The following GRID2 variants were observed in gnomAD, a reference collection of about 807,000 sequenced individuals.
The protein encoded by GRID2 is glutamate ionotropic receptor delta type subunit 2, also known as glutamate receptor ionotropic, delta-2.
A neutral mutation model predicts 114.8 loss-of-function variants in GRID2; 33 were observed. That is an observed-to-expected ratio of 0.29 (90% CI 0.22 to 0.38). The LOEUF (loss-of-function observed/expected upper bound fraction) is 0.38, where lower values mean the gene tolerates loss of function less well. Ranked by LOEUF, GRID2 falls within the 10% of genes least tolerant of loss-of-function variation. GRID2 has a pLI of 1.00. For synonymous variants in GRID2, 505 were observed against 449.9 expected (o/e 1.12, Z -1.55); for missense variants, 1,184 against 1,257.7 (o/e 0.94, Z 0.89).
intron 2 of GRID2, among the ~76,000 whole-genome samples, chr4:92,722,211 G>C (rs973791690): frequency 6.6e-6 from 1 of 152,126 alleles, no homozygotes; most frequent in Non-Finnish European, 1.5e-5. Flanking sequence ...CTGGATTTGG[G>C]AAGAATGCCA....
chr4:93,737,314 G>C (rs1161510826), intron 14 of GRID2, among the ~76,000 whole-genome samples: 3 of 152,046 alleles, frequency 2.0e-5, no homozygotes, highest in South Asian at 2.1e-4. Context: ...CTTTGAGAGA[G>C]AGAAAGAGGA....
At chr4:92,976,031 A>G (rs1753847569) in intron 2 of GRID2, among the ~76,000 whole-genome samples, 1 of 152,128 alleles carries the variant, frequency 6.6e-6, no homozygotes, top group Non-Finnish European at 1.5e-5. Context: ...ATTAATTAAT[A>G]TACTAGATTA....
intron 4 of GRID2, among the ~76,000 whole-genome samples, chr4:93,128,053 A>AAC (rs1734456099): frequency 6.9e-6 from 1 of 144,854 alleles, no homozygotes; most frequent in Admixed American, 6.9e-5. Context: ...AAAAAAAAAA[A>AAC]AAAAAACAAC....
At chr4:92,492,530 C>T (rs968733122) in intron 1 of GRID2, among the ~76,000 whole-genome samples, 5 of 152,252 alleles carry the variant, frequency 3.3e-5, no homozygotes, top group Middle Eastern at 3.4e-3. Flanking sequence ...TTAGAACATC[C>T]TTTCAGATAT....
At position 92,713,476 on chromosome 4, in the gene GRID2, C is replaced by CACATAT. The variant is rs1167121792; in HGVS notation, c.244+123191_244+123192insCATATA. Among the ~76,000 whole-genome samples, 9 of 54,064 alleles carry CACATAT rather than the reference C, an allele frequency of 1.7e-4. No individual in the cohort carries two copies. In the East Asian group the frequency reaches 4.8e-3, roughly 29 times the overall value. The allele number at this position is 54,064 out of a possible 152,430, so 35.5% of individuals were successfully genotyped here. A position where few individuals can be genotyped will look rare whatever the true frequency, so the allele number is the denominator to read the frequency against. On this transcript the variant is annotated intron_variant, in intron 2 of 15. Transcript: ENST00000282020. ...TTACATATATTTACATATACATATA[C>CACATAT]ATATATATATATATATATATATATA...
chr4:93,295,781 A>G (rs1754238971), intron 8 of GRID2, among the ~76,000 whole-genome samples: 1 of 152,218 alleles, frequency 6.6e-6, no homozygotes, highest in Non-Finnish European at 1.5e-5. Flanking sequence ...TCACAAAAAC[A>G]CTGAGATTGG....
At chr4:92,666,331 T>G (rs1732775199) in intron 2 of GRID2, among the ~76,000 whole-genome samples, 2 of 151,596 alleles carry the variant, frequency 1.3e-5, no homozygotes, top group Non-Finnish European at 3.0e-5. Flanking sequence ...TGTGCCTTCC[T>G]TCAGTTCTTT....
chr4:92,878,000 A>G (rs1745754308), intron 2 of GRID2, among the ~76,000 whole-genome samples: 1 of 152,194 alleles, frequency 6.6e-6, no homozygotes, highest in Admixed American at 6.5e-5. Context: ...TAGCTTTGCT[A>G]CAAATACTCA....
At chr4:92,893,427 A>C (rs957836772) in intron 2 of GRID2, among the ~76,000 whole-genome samples, 5 of 152,136 alleles carry the variant, frequency 3.3e-5, no homozygotes, top group Admixed American at 1.3e-4. Context: ...GGATTGACAT[A>C]AATCCTGAGC....
At chr4:93,756,776 C>T (rs573625305) in intron 14 of GRID2, among the ~76,000 whole-genome samples, 6 of 152,246 alleles carry the variant, frequency 3.9e-5, no homozygotes, top group South Asian at 4.1e-4. Context: ...TTGTTTTTTA[C>T]GTCCATGACA....
intron 1 of GRID2, among the ~76,000 whole-genome samples, chr4:93,795,972 C>T (rs953833630): frequency 6.6e-6 from 1 of 152,124 alleles, no homozygotes. Flanking sequence ...TTCTGGAGCC[C>T]GGAGTTCTCT....
At chr4:92,996,921 A>T (rs1755238000) in intron 2 of GRID2, among the ~76,000 whole-genome samples, 1 of 152,134 alleles carries the variant, frequency 6.6e-6, no homozygotes, top group South Asian at 2.1e-4. Flanking sequence ...AGCCTGTCCT[A>T]TCCAGAGGAT....
At position 93,724,097 on chromosome 4, in the gene GRID2, A is replaced by G. The variant is rs537213138; in HGVS notation, c.2361-45113A>G. Among the ~76,000 whole-genome samples the G allele has an allele frequency of 5.3e-5, 8 of 152,344 alleles. 1 individual carries two copies. The highest frequency in any genetic ancestry group is 1.9e-4 in the African/African-American group (8 of 41,584). ...AATGATGAAGACATTAAACATATTT[A>G]AAAGACACGAAATGAGTCCTACAGA... On this transcript the variant is annotated intron_variant, in intron 14 of 15. Transcript: ENST00000282020.
At chr4:93,455,622 T>C (rs750117243) in intron 10 of GRID2, 40 bp from the exon 11 acceptor site, 22 of 1,380,542 alleles carry the variant, frequency 1.6e-5, no homozygotes, top group Non-Finnish European at 2.2e-5. Context: ...AAATTGTTTT[T>C]CACACTGTTA....
chr4:92,621,067 G>A (rs1412140185), intron 2 of GRID2, among the ~76,000 whole-genome samples: 2 of 150,688 alleles, frequency 1.3e-5, no homozygotes, highest in Non-Finnish European at 3.0e-5. Context: ...TGACTTTTAA[G>A]TTGAGGGGTA....
chr4:93,716,792 A>C (rs1033691699), intron 14 of GRID2, among the ~76,000 whole-genome samples: 10 of 152,102 alleles, frequency 6.6e-5, no homozygotes, highest in Non-Finnish European at 1.5e-4. Context: ...TTTCAATTTC[A>C]ACATGAATTT....
rs148589727 is a variant in GRID2, at chr4:93,203,422, T to C, written c.736-3982T>C. On this transcript the variant is annotated intron_variant, in intron 4 of 15. Transcript: ENST00000282020. ...TAATTAAAAAGACAAGACATATCTG[T>C]TTTTTTATTCTTAAGGACCATTCTA... Among the ~76,000 whole-genome samples the C allele has an allele frequency of 9.0e-4, 137 of 152,236 alleles. 1 individual carries two copies. The highest frequency in any genetic ancestry group is 2.4e-3 in the African/African-American group (99 of 41,560).
intron 9 of GRID2, among the ~76,000 whole-genome samples, chr4:93,409,657 A>G (rs1305803700): frequency 6.6e-6 from 1 of 152,204 alleles, no homozygotes; most frequent in Non-Finnish European, 1.5e-5. Context: ...GAGTACCCCA[A>G]GTTCTTTATC....
At chr4:93,763,349 A>T (rs950993093) in intron 14 of GRID2, among the ~76,000 whole-genome samples, 2 of 152,176 alleles carry the variant, frequency 1.3e-5, no homozygotes, top group African/African-American at 4.8e-5. Flanking sequence ...GGCTAAATTT[A>T]GTTTTTTCCC....
Sources: allele counts gnomAD v4.1 joint callset (sites outside exome capture counted in the v4.1 genomes callset), GRCh38; gene constraint gnomAD v4.1.1; transcripts MANE v1.5; gene names NCBI Gene and HGNC (gene_info 2026-07-23, HGNC 2026-07-21).